Variants in NTRK3 observed in about 807,000 individuals in gnomAD.
NTRK3 encodes NT-3 growth factor receptor.
Under a neutral mutation model 91.7 loss-of-function variants are expected in NTRK3, and 24 were observed. The ratio of observed to expected loss-of-function variants is 0.26; its 90% CI spans 0.19 to 0.37. The LOEUF (loss-of-function observed/expected upper bound fraction) is 0.37. NTRK3 is among the 10% of genes least tolerant of loss of function. The probability of loss-of-function intolerance (pLI) is 1.00; values close to 1 mark genes in which losing one functional copy is unlikely to be tolerated. For missense variants in NTRK3, 880 were observed against 1,068.9 expected, an observed-to-expected ratio of 0.82 and a Z score of 2.46; for synonymous variants, 483 against 404.0, an observed-to-expected ratio of 1.20 and a Z score of -2.34.
At chr15:87,876,802 G>C in exon 19 of NTRK3, 1 of 1,033,066 alleles carries the variant, frequency 9.7e-7, no homozygotes. Context: ...AGTGTTGTAT[G>C]TGTAGCAGGC....
chr15:88,222,125 GC>G (rs1430986325), intron 3 of NTRK3, among the ~76,000 whole-genome samples: 1 of 152,186 alleles, frequency 6.6e-6, no homozygotes, highest in Non-Finnish European at 1.5e-5. Flanking sequence ...GGGACTGTTT[GC>G]CAACTAACTG....
intron 5 of NTRK3, among the ~76,000 whole-genome samples, chr15:88,149,367 T>G (rs2043172558): frequency 6.6e-6 from 1 of 152,090 alleles, no homozygotes; most frequent in Non-Finnish European, 1.5e-5. Flanking sequence ...TCTCCCAAGT[T>G]TACTGTTCTG....
At chr15:88,247,609 C>T (rs1038875628) in intron 3 of NTRK3, among the ~76,000 whole-genome samples, 1 of 152,166 alleles carries the variant, frequency 6.6e-6, no homozygotes, top group Non-Finnish European at 1.5e-5. Flanking sequence ...GACAGTGACC[C>T]TACGGGGGTG....
intron 14 of NTRK3, among the ~76,000 whole-genome samples, chr15:88,031,249 T>C (rs1445275046): frequency 6.6e-6 from 1 of 152,082 alleles, no homozygotes; most frequent in Non-Finnish European, 1.5e-5. Flanking sequence ...ACTAATTCAG[T>C]GTTCACGGCG....
At chr15:88,070,140 C>A (rs2046979874) in intron 13 of NTRK3, among the ~76,000 whole-genome samples, 1 of 152,282 alleles carries the variant, frequency 6.6e-6, no homozygotes, top group East Asian at 1.9e-4. Flanking sequence ...ATGAATTTAA[C>A]AGAAAACTGG....
At chr15:88,009,057 TC>T (rs1373369805) in intron 14 of NTRK3, among the ~76,000 whole-genome samples, 35 of 152,276 alleles carry the variant, frequency 2.3e-4, no homozygotes, top group African/African-American at 8.4e-4. Flanking sequence ...AAGGAAGAGA[TC>T]CCCAGTTGAG....
chr15:87,984,259 T>C (rs1357862700), intron 14 of NTRK3, among the ~76,000 whole-genome samples: 2 of 152,202 alleles, frequency 1.3e-5, no homozygotes, highest in South Asian at 2.1e-4. Flanking sequence ...TAAACAAGCA[T>C]GGACAGAAAC....
At chr15:88,136,385 A>G in intron 8 of NTRK3, 82 bp downstream of exon 8, 2 of 1,580,328 alleles carry the variant, frequency 1.3e-6, no homozygotes, top group Non-Finnish European at 1.7e-6. Flanking sequence ...TAGTAACAAG[A>G]CCGCAAATTT....
At chr15:88,095,852 T>G (rs982581587) in intron 13 of NTRK3, among the ~76,000 whole-genome samples, 5 of 152,090 alleles carry the variant, frequency 3.3e-5, no homozygotes, top group Admixed American at 3.3e-4. Context: ...CTTATCTGAG[T>G]GGTAACATCT....
At chr15:87,967,785 C>T (rs2072916442) in intron 14 of NTRK3, among the ~76,000 whole-genome samples, 1 of 152,182 alleles carries the variant, frequency 6.6e-6, no homozygotes, top group South Asian at 2.1e-4. Flanking sequence ...TTTCCACATT[C>T]CTAGCAACTG....
intron 13 of NTRK3, among the ~76,000 whole-genome samples, chr15:88,054,423 T>C (rs1485964642): frequency 6.6e-6 from 1 of 152,168 alleles, no homozygotes; most frequent in South Asian, 2.1e-4. Context: ...GCAATCCACA[T>C]TGACCTGCAG....
intron 14 of NTRK3, among the ~76,000 whole-genome samples, chr15:88,015,100 G>T (rs1368055655): frequency 6.6e-6 from 1 of 152,164 alleles, no homozygotes; most frequent in Non-Finnish European, 1.5e-5. Context: ...TGGAACAGGG[G>T]TCTCTCTATG....
chr15:87,993,901 T>C (rs1486126526), intron 14 of NTRK3, among the ~76,000 whole-genome samples: 5 of 151,886 alleles, frequency 3.3e-5, no homozygotes, highest in African/African-American at 1.2e-4. Context: ...AGAATGGGAG[T>C]CTATACCTCT....
In NTRK3 at chr15:88,237,720, G is replaced by A. The variant is rs189882321; in HGVS notation, c.248+18186C>T. Reference sequence around the variant, plus strand: ...ACAGGGCTCTCTTGCTTACATGACCGACTAAGCAGACACTTTGGGCATTCG... The same window carrying A: ...ACAGGGCTCTCTTGCTTACATGACCAACTAAGCAGACACTTTGGGCATTCG... On this transcript the variant is annotated intron_variant, in intron 3 of 18. Coordinates refer to ENST00000394480, the Ensembl canonical transcript of NTRK3. This position sits in a 1 kb window ranked among gnomAD's most constrained non-coding sequence, Gnocchi z 4.0. 1.2e-3 allele frequency among the ~76,000 whole-genome samples: 177 copies of A among 151,752 alleles called. No individual in the cohort carries two copies. The highest frequency in any genetic ancestry group is 4.0e-3 in the African/African-American group (166 of 41,356).
Position 88,082,667 on chromosome 15 carries a change from A to G in NTRK3, c.1396+43604T>C, listed in dbSNP as rs1425079873. On this transcript the variant is annotated intron_variant, in intron 13 of 18. Coordinates refer to ENST00000394480, the Ensembl canonical transcript of NTRK3. ...ACATAATGTCCATGAGACACTTATT[A>G]ATTTTGCTGCTGGAGCTAAGAGCCA... 4.6e-5 allele frequency among the ~76,000 whole-genome samples: 7 copies of G among 152,316 alleles called. No individual in the cohort carries two copies. The East Asian group carries it at 9.6e-4, about 21-fold the overall frequency.
chr15:88,132,628 C>A (rs1036368976), intron 10 of NTRK3, among the ~76,000 whole-genome samples: 20 of 152,174 alleles, frequency 1.3e-4, no homozygotes, highest in African/African-American at 4.6e-4. Context: ...CACACTTTCA[C>A]ATCAAAAGAG....
intron 14 of NTRK3, among the ~76,000 whole-genome samples, chr15:87,959,192 G>A (rs1014192063): frequency 1.8e-4 from 28 of 152,254 alleles, no homozygotes; most frequent in African/African-American, 3.6e-4. Flanking sequence ...AACTGCCGCC[G>A]TCGGATAATT....
chr15:87,933,222 AGGGCAGG>A (rs1567123847), intron 15 of NTRK3, 38 bp from the exon 16 acceptor site: 1 of 1,608,220 alleles, frequency 6.2e-7, no homozygotes, highest in Non-Finnish European at 8.5e-7. Context: ...TAACAACTAC[AGGGCAGG>A]GGGCTGTCTT....
intron 5 of NTRK3, among the ~76,000 whole-genome samples, chr15:88,157,556 T>C (rs1438593224): frequency 6.6e-6 from 1 of 151,654 alleles, no homozygotes; most frequent in Non-Finnish European, 1.5e-5. Flanking sequence ...CCCTTCCCTG[T>C]TCCCTCCAGT....
Sources: gnomAD v4.1 joint callset for allele counts (sites outside exome capture counted in the v4.1 genomes callset) on GRCh38, gnomAD v4.1.1 for gene constraint, Gnocchi (gnomAD v3.1) non-coding constraint, MANE v1.5 for transcripts, NCBI Gene and HGNC (gene_info 2026-07-23, HGNC 2026-07-21) for gene names.